The following NECTIN1 variants were observed in gnomAD, a reference collection of about 807,000 sequenced individuals.
NECTIN1 encodes the protein nectin-1.
Under a neutral mutation model 48.0 loss-of-function variants are expected in NECTIN1, and 23 were observed. That is an observed-to-expected ratio of 0.48 (90% CI 0.34 to 0.68). The LOEUF (loss-of-function observed/expected upper bound fraction) is 0.68. NECTIN1 is among the 30% of genes least tolerant of loss of function. NECTIN1 has a pLI of 0.01. For missense variants in NECTIN1, 591 were observed against 709.9 expected, an observed-to-expected ratio of 0.83 and a Z score of 1.90; for synonymous variants, 270 against 288.9, an observed-to-expected ratio of 0.93 and a Z score of 0.66.
chr11:119,690,362 T>C (rs1865231730), intron 1 of NECTIN1, among the ~76,000 whole-genome samples: 2 of 152,228 alleles, frequency 1.3e-5, no homozygotes. Context: ...CCTTGCTTCC[T>C]TGCCACCCTA....
intron 1 of NECTIN1, among the ~76,000 whole-genome samples, chr11:119,723,432 G>C (rs1865864469): frequency 6.6e-6 from 1 of 152,088 alleles, no homozygotes; most frequent in Non-Finnish European, 1.5e-5. Context: ...CCAGGGCCTG[G>C]GACCACTGCT....
In NECTIN1 at chr11:119,683,062, TTGAGTTGACCA is replaced by T. The variant is rs1865088323; in HGVS notation, c.80-4308_80-4298del. On this transcript the variant is annotated intron_variant, in intron 1 of 5. Transcript: ENST00000264025. This position sits in a 1 kb window ranked among gnomAD's most constrained non-coding sequence, Gnocchi z 4.0. Reference sequence around the variant, plus strand: ...TGAAAGGAGCAGGCCTGGCCTTGGGTTGAGTTGACCATGTCACGCCTGCCACTGGCAGGGTC... The same window carrying T: ...TGAAAGGAGCAGGCCTGGCCTTGGGTTGTCACGCCTGCCACTGGCAGGGTC... Among the ~76,000 whole-genome samples the T allele has an allele frequency of 6.6e-6, 1 of 152,148 alleles. No homozygotes were observed. Among genetic ancestry groups the T allele is most frequent in the Admixed American group, 6.5e-5 (1 of 15,282 alleles).
At chr11:119,725,382 A>G (rs887105521) in intron 1 of NECTIN1, among the ~76,000 whole-genome samples, 3 of 152,192 alleles carry the variant, frequency 2.0e-5, no homozygotes, top group Non-Finnish European at 4.4e-5. Flanking sequence ...TTCAGGTTCA[A>G]GAGATGCCTT....
chr11:119,644,569 G>A (rs759843382), intron 5 of NECTIN1, among the ~76,000 whole-genome samples: 3 of 152,200 alleles, frequency 2.0e-5, no homozygotes, highest in Non-Finnish European at 2.9e-5. Context: ...CATTGTGCCC[G>A]GTGTGAGGGG....
chr11:119,667,994 G>C (rs1057392750), intron 5 of NECTIN1, among the ~76,000 whole-genome samples: 2 of 152,178 alleles, frequency 1.3e-5, no homozygotes, highest in Admixed American at 6.5e-5. Context: ...CGTGCACACT[G>C]TGAACTACTA....
chr11:119,678,122 C>T lies in NECTIN1; in HGVS notation c.431-265G>A, dbSNP rs142535132. Among the ~76,000 whole-genome samples the T allele has an allele frequency of 2.1e-3, 320 of 152,314 alleles. 1 individual carries two copies. Among genetic ancestry groups the T allele is most frequent in the Middle Eastern group, 0.01 (3 of 294 alleles). On this transcript the variant is annotated intron_variant, in intron 2 of 5. Transcript: ENST00000264025. The surrounding 1 kb of genome is among the most constrained non-coding windows in gnomAD (Gnocchi z 4.4). The stretch of plus-strand genomic sequence containing the variant: ...GTCCCAGCATGTCTAAGGCAAGCAG[C>T]GCAGGTGGCTCCTTTCCTTACCGTG...
chr11:119,710,901 C>T (rs1400152615), intron 1 of NECTIN1, among the ~76,000 whole-genome samples: 1 of 152,166 alleles, frequency 6.6e-6, no homozygotes, highest in Non-Finnish European at 1.5e-5. Flanking sequence ...ACTTCACACA[C>T]ACATAACCGC....
At position 119,677,268 on chromosome 11, in the gene NECTIN1, T is replaced by G. The variant is rs367878381; in HGVS notation, c.734-49A>C. The G allele has an allele frequency of 2.0e-6, 3 of 1,514,776 alleles. No homozygotes were observed. The African/African-American group carries it at 4.1e-5, about 21-fold the overall frequency. 93.8% of individuals were successfully genotyped at this position (1,514,776 alleles called of 1,614,324 possible). ...GAGGGTGAGGTCAGGAGAGCGGGAC[T>G]TAGAACAAGGGAACTTCAGCCAGGA... On this transcript the variant is annotated intron_variant, in intron 3 of 5. Transcript: ENST00000264025. The surrounding 1 kb of genome is among the most constrained non-coding windows in gnomAD (Gnocchi z 5.4).
chr11:119,664,687 G>A lies in NECTIN1; in HGVS notation c.*60C>T. The stretch of plus-strand genomic sequence containing the variant: ...TGGAGTGGGAGGTGGGGGGTGGGCA[G>A]GGGGCGTGCGGGGAGGGGCTGGGGA... On this transcript the variant is annotated 3_prime_UTR_variant, in exon 6 of 6. Coordinates refer to ENST00000264025, the MANE Select transcript of NECTIN1 (RefSeq NM_002855.5). 3 of 1,490,112 alleles carry A rather than the reference G, an allele frequency of 2.0e-6. No homozygotes were observed. Among genetic ancestry groups the A allele is most frequent in the Non-Finnish European group, 2.7e-6 (3 of 1,111,102 alleles). The allele number at this position is 1,490,112 out of a possible 1,614,324, so 92.3% of individuals were successfully genotyped here.
chr11:119,701,222 G>C (rs1163680033), intron 1 of NECTIN1, among the ~76,000 whole-genome samples: 1 of 152,124 alleles, frequency 6.6e-6, no homozygotes, highest in Admixed American at 6.5e-5. Flanking sequence ...TGGGATTATT[G>C]CTAGGGTCAA....
downstream of NECTIN1, chr11:119,660,920 C>T (rs763650728): frequency 1.5e-5 from 12 of 813,356 alleles, no homozygotes; most frequent in Admixed American, 6.2e-5. Context: ...TCCCTCTGTG[C>T]CATCCCCTCC....
intron 1 of NECTIN1, among the ~76,000 whole-genome samples, chr11:119,690,159 G>A (rs1392681710): frequency 1.3e-5 from 2 of 152,124 alleles, no homozygotes; most frequent in African/African-American, 4.8e-5. Flanking sequence ...AGGGAGCTGT[G>A]ATGCTGGAGG....
intron 1 of NECTIN1, among the ~76,000 whole-genome samples, chr11:119,713,199 C>T (rs1340965856): frequency 6.6e-6 from 1 of 152,038 alleles, no homozygotes; most frequent in East Asian, 1.9e-4. Flanking sequence ...GCTTTGGAGA[C>T]CAGAAACCAG....
chr11:119,677,537 G>A lies in NECTIN1; in HGVS notation c.733+18C>T. The A allele has an allele frequency of 6.2e-7, 1 of 1,612,322 alleles. No homozygotes were observed. Among genetic ancestry groups the A allele is most frequent in the East Asian group, 2.2e-5 (1 of 44,878 alleles). The stretch of plus-strand genomic sequence containing the variant: ...TGGCGCCCACCCCAGGAGGCCCCTG[G>A]CAGCCAGCCCTGCTCACACTGCACG... On this transcript the variant is annotated intron_variant, in intron 3 of 5. Coordinates refer to ENST00000264025, the MANE Select transcript of NECTIN1 (RefSeq NM_002855.5). This position sits in a 1 kb window ranked among gnomAD's most constrained non-coding sequence, Gnocchi z 5.4.
chr11:119,665,017 G>C lies in NECTIN1; in HGVS notation c.1284C>G (p.Ala428=). 6.2e-7 allele frequency: 1 copy of C among 1,613,798 alleles called. No homozygotes were observed. The highest frequency in any genetic ancestry group is 1.1e-5 in the South Asian group (1 of 91,080). ...YPDDSDDEKK[A]GPLGGSSYEE... is the part of the protein sequence containing the mutation. ...CATAGCTGCTTCCACCCAGTGGGCC[G>C]GCCTTCTTCTCGTCGTCTGAGTCGT... The change falls in exon 6 of 6, where the codon GCC becomes GCG. Residue 428 remains alanine, a synonymous_variant. Coordinates refer to ENST00000264025, the MANE Select transcript of NECTIN1 (RefSeq NM_002855.5). This position sits in a 1 kb window ranked among gnomAD's most constrained non-coding sequence, Gnocchi z 5.1.
chr11:119,715,914 G>T (rs1865736566), intron 1 of NECTIN1, among the ~76,000 whole-genome samples: 1 of 152,206 alleles, frequency 6.6e-6, no homozygotes, highest in Non-Finnish European at 1.5e-5. Context: ...TGCTGGACTG[G>T]ATATTATGTT....
intron 5 of NECTIN1, among the ~76,000 whole-genome samples, chr11:119,671,671 C>G (rs1864863409): frequency 6.6e-6 from 1 of 152,184 alleles, no homozygotes; most frequent in Admixed American, 6.5e-5. Flanking sequence ...AACTACACCC[C>G]CCAGCATGCA....
intron 1 of NECTIN1, among the ~76,000 whole-genome samples, chr11:119,704,650 C>T (rs2135573755): frequency 6.6e-6 from 1 of 152,306 alleles, no homozygotes; most frequent in African/African-American, 2.4e-5. Context: ...ACCGCCCCAT[C>T]TGTAACTTGG....
At chr11:119,680,211 C>T (rs1208639317) in intron 1 of NECTIN1, among the ~76,000 whole-genome samples, 1 of 152,180 alleles carries the variant, frequency 6.6e-6, no homozygotes, top group South Asian at 2.1e-4. Context: ...CTGAACTTGG[C>T]TCAGCTCCCT....
Sources: allele counts gnomAD v4.1 joint callset (sites outside exome capture counted in the v4.1 genomes callset), GRCh38; gene constraint gnomAD v4.1.1; non-coding constraint Gnocchi (gnomAD v3.1); transcripts MANE v1.5; gene names NCBI Gene and HGNC (gene_info 2026-07-23, HGNC 2026-07-21).